Variants in PCDH7 observed in about 807,000 individuals in gnomAD.
PCDH7 encodes the protein protocadherin 7.
In PCDH7, 17 loss-of-function variants were observed where a neutral mutation model predicts 58.9. That is an observed-to-expected ratio of 0.29 (90% CI 0.20 to 0.43). PCDH7 has a LOEUF of 0.43. PCDH7 is among the 20% of genes least tolerant of loss of function. The probability of loss-of-function intolerance (pLI) is 1.00; values close to 1 mark genes in which losing one functional copy is unlikely to be tolerated. For synonymous variants in PCDH7, 664 were observed against 616.4 expected, an observed-to-expected ratio of 1.08 and a Z score of -1.14; for missense variants, 1,274 against 1,441.0, an observed-to-expected ratio of 0.88 and a Z score of 1.88.
intron 3 of PCDH7, among the ~76,000 whole-genome samples, chr4:31,027,422 T>C (rs1429384238): frequency 6.6e-6 from 1 of 152,080 alleles, no homozygotes; most frequent in African/African-American, 2.4e-5. Flanking sequence ...TATTATATTT[T>C]ATTTTATTTT....
At chr4:31,121,827 G>T (rs926253457) in intron 3 of PCDH7, among the ~76,000 whole-genome samples, 1 of 151,834 alleles carries the variant, frequency 6.6e-6, no homozygotes, top group South Asian at 2.1e-4. Flanking sequence ...CCATTTTGTA[G>T]GAAGAAAAAA....
chr4:31,014,634 A>G (rs1753465941), intron 3 of PCDH7, among the ~76,000 whole-genome samples: 1 of 152,236 alleles, frequency 6.6e-6, no homozygotes. Flanking sequence ...AAAATATTAA[A>G]TGAGAATACA....
At chr4:30,821,869 G>A (rs1340839117) in intron 1 of PCDH7, among the ~76,000 whole-genome samples, 1 of 152,154 alleles carries the variant, frequency 6.6e-6, no homozygotes, top group African/African-American at 2.4e-5. Flanking sequence ...TCTGCATACT[G>A]ATGTAACAAG....
intron 3 of PCDH7, among the ~76,000 whole-genome samples, chr4:31,114,161 C>T (rs953956774): frequency 6.6e-6 from 1 of 152,026 alleles, no homozygotes; most frequent in Non-Finnish European, 1.5e-5. Flanking sequence ...TAATCTATCA[C>T]CAAAATGTTT....
chr4:31,086,508 A>G (rs953843281), intron 3 of PCDH7, among the ~76,000 whole-genome samples: 9 of 152,154 alleles, frequency 5.9e-5, no homozygotes, highest in African/African-American at 1.7e-4. Flanking sequence ...GTATTATCAT[A>G]CTTAATAAGT....
intron 3 of PCDH7, chr4:30,987,807 G>A (rs1751108829): frequency 6.6e-6 from 1 of 151,676 alleles, no homozygotes; most frequent in South Asian, 2.1e-4. Context: ...ATGAAACAAC[G>A]AAATAAAATA....
intron 3 of PCDH7, among the ~76,000 whole-genome samples, chr4:31,038,692 G>C (rs923263404): frequency 6.6e-6 from 1 of 152,146 alleles, no homozygotes; most frequent in Admixed American, 6.5e-5. Flanking sequence ...GCTGATGTGA[G>C]TAGCTATAGT....
At chr4:30,917,164 A>G (rs1157626677) in intron 1 of PCDH7, among the ~76,000 whole-genome samples, 1 of 152,148 alleles carries the variant, frequency 6.6e-6, no homozygotes, top group Non-Finnish European at 1.5e-5. Context: ...TATCTTTTCA[A>G]GACTCAATTG....
At chr4:30,962,394 A>C (rs931155983) in intron 3 of PCDH7, among the ~76,000 whole-genome samples, 13 of 152,178 alleles carry the variant, frequency 8.5e-5, no homozygotes, top group African/African-American at 3.1e-4. Context: ...TAAATTTCTA[A>C]CCTTTAAGTT....
intron 3 of PCDH7, among the ~76,000 whole-genome samples, chr4:31,033,473 T>A (rs1462013684): frequency 1.3e-5 from 2 of 152,236 alleles, no homozygotes; most frequent in Admixed American, 6.5e-5. Context: ...TCGAGAGGAC[T>A]ATTTTTGCTG....
At chr4:30,728,971 A>T (rs1196916013) in intron 1 of PCDH7, among the ~76,000 whole-genome samples, 2 of 151,770 alleles carry the variant, frequency 1.3e-5, no homozygotes, top group African/African-American at 2.4e-5. Flanking sequence ...CTAAGCTTAA[A>T]CATACACAAT....
chr4:30,955,231 A>G (rs1747727951), intron 3 of PCDH7, among the ~76,000 whole-genome samples: 1 of 152,096 alleles, frequency 6.6e-6, no homozygotes, highest in Admixed American at 6.5e-5. Context: ...CAGCCTCTTT[A>G]GATACTTAGA....
At chr4:30,760,224 A>G (rs2109267938) in intron 1 of PCDH7, among the ~76,000 whole-genome samples, 1 of 152,320 alleles carries the variant, frequency 6.6e-6, no homozygotes, top group Admixed American at 6.5e-5. Flanking sequence ...GGAATGGAAC[A>G]TTAAGGAGGA....
chr4:31,000,680 TTTC>T (rs1264754834), intron 3 of PCDH7, among the ~76,000 whole-genome samples: 1 of 152,092 alleles, frequency 6.6e-6, no homozygotes, highest in East Asian at 1.9e-4. Flanking sequence ...TCTCCTTGCC[TTTC>T]TTCTTTCCTT....
chr4:30,902,118 CA>C (rs1740298137), intron 1 of PCDH7, among the ~76,000 whole-genome samples: 1 of 152,168 alleles, frequency 6.6e-6, no homozygotes, highest in Non-Finnish European at 1.5e-5. Context: ...TGTCACTATG[CA>C]TTTTAAGTAC....
intron 3 of PCDH7, among the ~76,000 whole-genome samples, chr4:31,103,789 A>G (rs886368611): frequency 5.3e-5 from 8 of 152,140 alleles, no homozygotes; most frequent in African/African-American, 1.4e-4. Context: ...CCACGTACCT[A>G]TTTAGAAACA....
intron 2 of PCDH7, among the ~76,000 whole-genome samples, chr4:30,927,863 C>A (rs1038227962): frequency 6.6e-6 from 1 of 151,910 alleles, no homozygotes; most frequent in East Asian, 1.9e-4. Context: ...TAAAAAAAAC[C>A]AAAAAACAAA....
intron 3 of PCDH7, among the ~76,000 whole-genome samples, chr4:30,960,310 A>G (rs1025961745): frequency 6.6e-6 from 1 of 152,160 alleles, no homozygotes; most frequent in Non-Finnish European, 1.5e-5. Flanking sequence ...TCTTCGAGAC[A>G]TGCTTTTGGG....
At chr4:31,034,404 C>T (rs73113493) in intron 3 of PCDH7, among the ~76,000 whole-genome samples, 35,911 of 152,004 alleles carry the variant, frequency 0.24, 4,504 homozygotes, top group South Asian at 0.34. Flanking sequence ...ACAATAATTA[C>T]GATATAAACA....
Sources: gnomAD v4.1 joint callset for allele counts (sites outside exome capture counted in the v4.1 genomes callset) on GRCh38, gnomAD v4.1.1 for gene constraint, MANE v1.5 for transcripts, NCBI Gene and HGNC (gene_info 2026-07-23, HGNC 2026-07-21) for gene names.